The following CELSR1 variants were observed in gnomAD, a reference collection of about 807,000 sequenced individuals.
The protein encoded by CELSR1 is adhesion G protein-coupled receptor C1.
A neutral mutation model predicts 249.1 loss-of-function variants in CELSR1; 110 were observed. That is an observed-to-expected ratio of 0.44 (90% CI 0.38 to 0.52). The LOEUF is 0.52. CELSR1 is among the 20% of genes least tolerant of loss of function. The probability of loss-of-function intolerance (pLI) is 0.00; values close to 1 mark genes in which losing one functional copy is unlikely to be tolerated. For missense variants in CELSR1, 4,109 were observed against 4,296.4 expected, an observed-to-expected ratio of 0.96 and a Z score of 1.22; for synonymous variants, 2,113 against 1,900.0, an observed-to-expected ratio of 1.11 and a Z score of -2.92.
rs1293991451 is a variant in CELSR1, at chr22:46,427,674, C to T, written c.4611+5719G>A. ...TGTTGACGTTCCGCTGTCGGAGGAC[C>T]TTATATTCTATTAAATACCTTCCAA... is the stretch of plus-strand genomic sequence containing the variant. On this transcript the variant is annotated intron_variant, in intron 5 of 34. Coordinates refer to ENST00000674500, the MANE Select transcript of CELSR1 (RefSeq NM_001378328.1). The surrounding 1 kb of genome is among the most constrained non-coding windows in gnomAD (Gnocchi z 4.2). Among the ~76,000 whole-genome samples the T allele has an allele frequency of 6.6e-6, 1 of 152,222 alleles. No individual in the cohort carries two copies. The highest frequency in any genetic ancestry group is 1.5e-5 in the Non-Finnish European group (1 of 68,048).
chr22:46,535,553 C>A lies in CELSR1; in HGVS notation c.1618G>T (p.Gly540Cys). The A allele has an allele frequency of 1.2e-6, 2 of 1,613,342 alleles. No homozygotes were observed. The highest frequency in any genetic ancestry group is 1.7e-6 in the Non-Finnish European group (2 of 1,180,030). ...YSLSIKAQDG[G>C]RPPLINSSGV... ...GAAGAATTGATGAGCGGGGGCCGGC[C>A]CCCATCCTGGGCCTTAATGCTCAGC... The change falls in exon 1 of 35, where the codon GGC becomes TGC. Residue 540 changes from glycine (G) to cysteine (C), a missense_variant. Gly to Cys is a radical substitution (Grantham distance 159). Around this residue, in one of 7 missense-constraint regions of CELSR1, gnomAD observed 135 missense variants for 190.0 expected, o/e 0.71. Coordinates refer to ENST00000674500, the MANE Select transcript of CELSR1 (RefSeq NM_001378328.1).
chr22:46,458,734 C>T (rs958598229), intron 2 of CELSR1, among the ~76,000 whole-genome samples: 1 of 152,196 alleles, frequency 6.6e-6, no homozygotes, highest in African/African-American at 2.4e-5. Context: ...CTGGCCCCGC[C>T]CGCCTGGTGC....
chr22:46,513,046 T>A lies in CELSR1; in HGVS notation c.3544+20581A>T, dbSNP rs116322115. On this transcript the variant is annotated intron_variant, in intron 1 of 34. Coordinates refer to ENST00000674500, the MANE Select transcript of CELSR1 (RefSeq NM_001378328.1). ...AGGACGGGAATCCATCCCTCCCCAG[T>A]GGAGTGAATAGGAGGCCATTTAACC... Among the ~76,000 whole-genome samples, 729 of 152,284 alleles carry A rather than the reference T, an allele frequency of 4.8e-3. 4 individuals carry two copies. Among genetic ancestry groups the A allele is most frequent in the African/African-American group, 0.017 (707 of 41,558 alleles).
intron 20 of CELSR1, among the ~76,000 whole-genome samples, chr22:46,382,685 C>T (rs2078991844): frequency 2.6e-5 from 4 of 152,198 alleles, no homozygotes; most frequent in African/African-American, 9.6e-5. Context: ...GCAACACGCG[C>T]TCCATCCGCA....
In CELSR1 at chr22:46,445,478, G is replaced by T. The variant is rs2079808008; in HGVS notation, c.4184-6067C>A. Among the ~76,000 whole-genome samples, 1 of 152,150 alleles carries T rather than the reference G, an allele frequency of 6.6e-6. No homozygotes were observed. Among genetic ancestry groups the T allele is most frequent in the African/African-American group, 2.4e-5 (1 of 41,428 alleles). ...CCATTGCACTCCAGCCTGGGTGACA[G>T]AGCAAGACTGTCTCTAAAAAAATGA... is the stretch of plus-strand genomic sequence containing the variant. On this transcript the variant is annotated intron_variant, in intron 2 of 34. Transcript: ENST00000674500. The surrounding 1 kb of genome is among the most constrained non-coding windows in gnomAD (Gnocchi z 4.4).
chr22:46,380,708 T>C lies in CELSR1; in HGVS notation c.7256+80A>G. The C allele has an allele frequency of 6.6e-7, 1 of 1,521,440 alleles. No individual in the cohort carries two copies. Among genetic ancestry groups the C allele is most frequent in the Non-Finnish European group, 8.9e-7 (1 of 1,121,996 alleles). 94.2% of individuals were successfully genotyped at this position (1,521,440 alleles called of 1,614,324 possible). ...ACAAGAGACCGTCCTCTTGGGGCGC[T>C]CTGCCACTGAGCCCCCGACCCTGCG... On this transcript the variant is annotated intron_variant, in intron 22 of 34. Coordinates refer to ENST00000674500, the MANE Select transcript of CELSR1 (RefSeq NM_001378328.1). This position sits in a 1 kb window ranked among gnomAD's most constrained non-coding sequence, Gnocchi z 5.1.
At chr22:46,515,130 C>T (rs1231010600) in intron 1 of CELSR1, among the ~76,000 whole-genome samples, 1 of 152,204 alleles carries the variant, frequency 6.6e-6, no homozygotes, top group Non-Finnish European at 1.5e-5. Context: ...AGCCAACCCC[C>T]CCCGGGGACA....
At position 46,429,532 on chromosome 22, in the gene CELSR1, C is replaced by T. The variant is rs150109621; in HGVS notation, c.4611+3861G>A. On this transcript the variant is annotated intron_variant, in intron 5 of 34. Coordinates refer to ENST00000674500, the MANE Select transcript of CELSR1 (RefSeq NM_001378328.1). This position sits in a 1 kb window ranked among gnomAD's most constrained non-coding sequence, Gnocchi z 4.1. ...ACCGTCCTGGAAAAACGTCCGACTC[C>T]AATGTACCCTTTGGTTTTGCTGAAG... is the stretch of plus-strand genomic sequence containing the variant. Among the ~76,000 whole-genome samples, 843 of 152,360 alleles carry T rather than the reference C, an allele frequency of 5.5e-3. 6 individuals are homozygous for T. The highest frequency in any genetic ancestry group is 0.019 in the African/African-American group (794 of 41,588).
In CELSR1 at chr22:46,454,005, T is replaced by G. The variant is rs2079916582; in HGVS notation, c.4183+9702A>C. Among the ~76,000 whole-genome samples the G allele has an allele frequency of 6.6e-6, 1 of 152,226 alleles. No individual in the cohort carries two copies. The highest frequency in any genetic ancestry group is 1.5e-5 in the Non-Finnish European group (1 of 68,038). ...TGTGACCTCAAGGCCTAAGGGACTTTGCAGATGTGATTAAGGATCTTGAGA... is the reference window on the plus strand; with the variant it reads ...TGTGACCTCAAGGCCTAAGGGACTTGGCAGATGTGATTAAGGATCTTGAGA... On this transcript the variant is annotated intron_variant, in intron 2 of 34. Coordinates refer to ENST00000674500, the MANE Select transcript of CELSR1 (RefSeq NM_001378328.1). This position sits in a 1 kb window ranked among gnomAD's most constrained non-coding sequence, Gnocchi z 5.1.
At chr22:46,414,779 C>T (rs2079380182) in intron 5 of CELSR1, among the ~76,000 whole-genome samples, 1 of 152,242 alleles carries the variant, frequency 6.6e-6, no homozygotes, top group East Asian at 1.9e-4. Context: ...CCACCAGCCC[C>T]AGGCGTGTAC....
intron 1 of CELSR1, among the ~76,000 whole-genome samples, chr22:46,499,108 C>A (rs5768846): frequency 0.29 from 42,578 of 148,992 alleles, 6,300 homozygotes; most frequent in African/African-American, 0.38. Flanking sequence ...TGAGCCCGGG[C>A]GATGGCGGTT....
Position 46,484,488 on chromosome 22 carries a change from T to G in CELSR1, c.3545-20143A>C, listed in dbSNP as rs2080295845. ...AGAATAATTTCACAGAGACCTCTTT[T>G]GAAATGCAAATACCAGGGAGAGGCT... On this transcript the variant is annotated intron_variant, in intron 1 of 34. Transcript: ENST00000674500. This position sits in a 1 kb window ranked among gnomAD's most constrained non-coding sequence, Gnocchi z 4.5. 6.6e-6 allele frequency among the ~76,000 whole-genome samples: 1 copy of G among 151,614 alleles called. No individual in the cohort carries two copies. Among genetic ancestry groups the G allele is most frequent in the African/African-American group, 2.4e-5 (1 of 41,286 alleles).
At chr22:46,453,371 C>T (rs1019157440) in intron 2 of CELSR1, among the ~76,000 whole-genome samples, 4 of 152,182 alleles carry the variant, frequency 2.6e-5, no homozygotes, top group Non-Finnish European at 5.9e-5. Flanking sequence ...CACACCAGTG[C>T]GGGCCAGGAC....
intron 1 of CELSR1, among the ~76,000 whole-genome samples, chr22:46,499,104 C>T (rs931700518): frequency 1.3e-5 from 2 of 151,642 alleles, no homozygotes; most frequent in African/African-American, 2.4e-5. Context: ...TGCTTGAGCC[C>T]GGGCGATGGC....
chr22:46,364,420 C>CA, intron 33 of CELSR1, 92 bp downstream of exon 33: 10 of 1,505,832 alleles, frequency 6.6e-6, no homozygotes, highest in Non-Finnish European at 1.8e-6. Context: ...TGACTTGCCC[C>CA]ACCAGCCCCA....
Position 46,412,809 on chromosome 22 carries a change from C to T in CELSR1, c.4612-1050G>A, listed in dbSNP as rs75626011. On this transcript the variant is annotated intron_variant, in intron 5 of 34. Coordinates refer to ENST00000674500, the MANE Select transcript of CELSR1 (RefSeq NM_001378328.1). The surrounding 1 kb of genome is among the most constrained non-coding windows in gnomAD (Gnocchi z 4.5). ...GTTCCAGAAACACAGTTGGTGCCAG[C>T]TCCAACCGGGACAGGCAACAGAATG... Among the ~76,000 whole-genome samples, 2,518 of 152,336 alleles carry T rather than the reference C, an allele frequency of 0.017. 66 individuals are homozygous for T. The highest frequency in any genetic ancestry group is 0.061 in the Middle Eastern group (18 of 294).
In CELSR1 at chr22:46,536,384, G is replaced by C. The variant is rs1454977884; in HGVS notation, c.787C>G (p.Leu263Val). ...ALFENEPAGT[L>V]ILQLHAHYTI... ...TAGTGCGCGTGCAGCTGGAGGATGAGGGTGCCCGCCGGTTCGTTCTCAAAC... is the reference window on the plus strand; with the variant it reads ...TAGTGCGCGTGCAGCTGGAGGATGACGGTGCCCGCCGGTTCGTTCTCAAAC... The change falls in exon 1 of 35, where the codon CTC becomes GTC. Residue 263 changes from leucine (L) to valine (V), a missense_variant. Transcript: ENST00000674500. 1.2e-6 allele frequency: 2 copies of C among 1,612,150 alleles called. No homozygotes were observed. The highest frequency in any genetic ancestry group is 1.7e-5 in the Admixed American group (1 of 60,000).
rs2079149203 is a variant in CELSR1 at position 46,396,527 on chromosome 22, A to G, written c.5843+78T>C. On this transcript the variant is annotated intron_variant, in intron 13 of 34. Transcript: ENST00000674500. The surrounding 1 kb of genome is among the most constrained non-coding windows in gnomAD (Gnocchi z 6.4). The stretch of plus-strand genomic sequence containing the variant: ...ACACATATCTTTGGGTCAAAATAAG[A>G]AAGAGAAGACACTGAGTCGAGGGAA... 1.5e-6 allele frequency: 2 copies of G among 1,369,066 alleles called. No individual in the cohort carries two copies. The highest frequency in any genetic ancestry group is 5.4e-5 in the East Asian group (2 of 36,752). The allele number at this position is 1,369,066 out of a possible 1,614,324, so 84.8% of individuals were successfully genotyped here. A position where few individuals can be genotyped will look rare whatever the true frequency, so the allele number is the denominator to read the frequency against.
rs374257755 is a variant in CELSR1 at position 46,427,734 on chromosome 22, T to C, written c.4611+5659A>G. Among the ~76,000 whole-genome samples, 19 of 152,176 alleles carry C rather than the reference T, an allele frequency of 1.2e-4. No individual in the cohort carries two copies. The highest frequency in any genetic ancestry group is 9.7e-4 in the East Asian group (5 of 5,174). On this transcript the variant is annotated intron_variant, in intron 5 of 34. Coordinates refer to ENST00000674500, the MANE Select transcript of CELSR1 (RefSeq NM_001378328.1). This position sits in a 1 kb window ranked among gnomAD's most constrained non-coding sequence, Gnocchi z 4.2. ...TGTAAGTTGGATTCTGTGCGTGTAA[T>C]TGGCACTCAATTAACATGGAAGGGA...
Sources: gnomAD v4.1 joint callset for allele counts (sites outside exome capture counted in the v4.1 genomes callset) on GRCh38, gnomAD v4.1.1 for gene constraint, gnomAD v4.1.1 regional missense constraint, Gnocchi (gnomAD v3.1) non-coding constraint, MANE v1.5 for transcripts, NCBI Gene and HGNC (gene_info 2026-07-23, HGNC 2026-07-21) for gene names.